The following SYNRG variants were observed in gnomAD, a reference collection of about 807,000 sequenced individuals.
The protein encoded by SYNRG is AP1 gamma subunit binding protein 1.
SYNRG carries 37 observed loss-of-function variants against 130.9 expected under a neutral mutation model. The observed-to-expected ratio is 0.28, with a 90% CI of 0.22 to 0.37. SYNRG has a LOEUF of 0.37. Among genes scored for constraint, SYNRG ranks in the 10% least tolerant of loss-of-function variants. The pLI is 1.00. For synonymous variants in SYNRG, 539 were observed against 568.1 expected, an observed-to-expected ratio of 0.95 and a Z score of 0.73; for missense variants, 1,338 against 1,588.9, an observed-to-expected ratio of 0.84 and a Z score of 2.68.
At chr17:37,578,763 G>A (rs535853792) in intron 6 of SYNRG, among the ~76,000 whole-genome samples, 2 of 152,218 alleles carry the variant, frequency 1.3e-5, no homozygotes, top group African/African-American at 4.8e-5. Context: ...CTGCCCCCAA[G>A]TGCCCTGTCA....
rs2057817754 is a variant in SYNRG, at chr17:37,542,154, G to A, written c.3020C>T (p.Pro1007Leu). Reference sequence around the variant, plus strand: ...TTCTTGAGAGGCACCACTGGACGCTGGGCTGGGACACGTGGCCTCCTGGCT... The same window carrying A: ...TTCTTGAGAGGCACCACTGGACGCTAGGCTGGGACACGTGGCCTCCTGGCT... ...ERSQEATCPSPASSGASQETP... is the reference protein window; with the variant it reads ...ERSQEATCPSLASSGASQETP... The change falls in exon 15 of 22, where the codon CCA becomes CTA. Residue 1007 changes from proline (P) to leucine (L), a missense_variant. Physicochemically the swap from Pro to Leu is moderately conservative, Grantham distance 98. Around this residue, in one of 3 missense-constraint regions of SYNRG, gnomAD observed 1,146 missense variants for 1,342.3 expected, o/e 0.85. Transcript: ENST00000612223. The A allele has an allele frequency of 6.2e-7, 1 of 1,614,216 alleles. No homozygotes were observed. Among genetic ancestry groups the A allele is most frequent in the Admixed American group, 1.7e-5 (1 of 60,028 alleles).
intron 10 of SYNRG, among the ~76,000 whole-genome samples, chr17:37,569,633 C>A (rs1411235632): frequency 5.3e-5 from 6 of 113,156 alleles, no homozygotes; most frequent in Admixed American, 4.0e-4. Context: ...CCAGCCTGGG[C>A]AACACAGCAA....
intron 14 of SYNRG, among the ~76,000 whole-genome samples, chr17:37,545,645 G>A (rs2058216490): frequency 6.6e-6 from 1 of 152,078 alleles, no homozygotes; most frequent in Admixed American, 6.6e-5. Context: ...TCTTATTTTT[G>A]TTAAAAATGA....
At chr17:37,522,963 C>T (rs956454063) in intron 19 of SYNRG, among the ~76,000 whole-genome samples, 1 of 152,082 alleles carries the variant, frequency 6.6e-6, no homozygotes, top group Non-Finnish European at 1.5e-5. Context: ...TTAATCTGCA[C>T]TAATAACATT....
intron 14 of SYNRG, among the ~76,000 whole-genome samples, chr17:37,547,811 GA>G (rs2058404097): frequency 6.6e-6 from 1 of 152,216 alleles, no homozygotes; most frequent in South Asian, 2.1e-4. Flanking sequence ...GTGAACAACA[GA>G]GTGACTATAG....
intron 15 of SYNRG, 37 bp from the exon 16 acceptor site, chr17:37,540,580 T>C: frequency 6.2e-7 from 1 of 1,601,058 alleles, no homozygotes; most frequent in Non-Finnish European, 8.5e-7. Context: ...AGGTTTTGGC[T>C]ACTCACCTTA....
intron 15 of SYNRG, chr17:37,540,805 T>C (rs746592835): frequency 1.5e-4 from 116 of 796,624 alleles, no homozygotes; most frequent in Middle Eastern, 4.7e-4. Flanking sequence ...TGGCTAATTT[T>C]TGTATTTTTA....
At chr17:37,555,165 C>T (rs2059018031) in intron 13 of SYNRG, among the ~76,000 whole-genome samples, 1 of 151,710 alleles carries the variant, frequency 6.6e-6, no homozygotes, top group African/African-American at 2.4e-5. Context: ...TCATTATTGT[C>T]GCCCAGGCTG....
In SYNRG at chr17:37,520,626, A is replaced by C. The variant is rs1278309447; in HGVS notation, c.3689T>G (p.Phe1230Cys). The C allele has an allele frequency of 1.2e-6, 2 of 1,614,070 alleles. No homozygotes were observed. The highest frequency in any genetic ancestry group is 1.7e-6 in the Non-Finnish European group (2 of 1,180,046). Residue 1230 changes from phenylalanine to cysteine, a missense_variant, in exon 20 of 22, where the codon TTT (phenylalanine) becomes TGT (cysteine). Physicochemically the swap from Phe to Cys is radical, Grantham distance 205. Around this residue, in one of 3 missense-constraint regions of SYNRG, gnomAD observed 1,146 missense variants for 1,342.3 expected, o/e 0.85. Coordinates refer to ENST00000612223, the MANE Select transcript of SYNRG (RefSeq NM_007247.6). ...CCCAGGCCGTAACATACAGGAGGAA[A>C]AATCCAGCGAGTTTTCATCTGGCTG... ...TLTPDENSLD[F>C]SSCMLRPGIK...
At chr17:37,532,086 G>A (rs1006909716) in intron 19 of SYNRG, among the ~76,000 whole-genome samples, 2 of 152,194 alleles carry the variant, frequency 1.3e-5, no homozygotes, top group African/African-American at 4.8e-5. Flanking sequence ...TCTCAGATTT[G>A]GAATTACTGA....
rs551341170 is a variant in SYNRG at position 37,537,897 on chromosome 17, G to GA, written c.3517+426dup. 1.1e-3 allele frequency among the ~76,000 whole-genome samples: 169 copies of GA among 152,322 alleles called. 6 individuals carry two copies. In the South Asian group the frequency reaches 0.034, roughly 31 times the overall value. On this transcript the variant is annotated intron_variant, in intron 18 of 21. Transcript: ENST00000612223. ...GAAGGGAGGAACACCGAAGTGGACA[G>GA]AGACTACACTTTCCCGTTGGACTGA...
chr17:37,593,102 T>C (rs116625842), intron 3 of SYNRG, among the ~76,000 whole-genome samples: 1,869 of 152,156 alleles, frequency 0.012, 36 homozygotes, highest in African/African-American at 0.042. Context: ...TAATCAATAA[T>C]AATATAATAA....
chr17:37,565,842 A>C (rs1288171781), intron 11 of SYNRG, among the ~76,000 whole-genome samples: 2 of 134,194 alleles, frequency 1.5e-5, no homozygotes, highest in Non-Finnish European at 3.2e-5. Context: ...GAGCCTCTCC[A>C]CCCGGCAGCC....
chr17:37,587,752 T>C (rs1221001021), intron 3 of SYNRG, among the ~76,000 whole-genome samples: 1 of 152,208 alleles, frequency 6.6e-6, no homozygotes, highest in Non-Finnish European at 1.5e-5. Context: ...TGTGTGGTCT[T>C]CCAGGTCTTT....
chr17:37,595,393 G>A (rs764500419), intron 3 of SYNRG, among the ~76,000 whole-genome samples: 1 of 152,010 alleles, frequency 6.6e-6, no homozygotes, highest in Non-Finnish European at 1.5e-5. Flanking sequence ...GTAAACTAAC[G>A]CAGAAACAAA....
chr17:37,592,369 C>A (rs2062271046), intron 3 of SYNRG, among the ~76,000 whole-genome samples: 1 of 152,160 alleles, frequency 6.6e-6, no homozygotes, highest in South Asian at 2.1e-4. Flanking sequence ...TACAGCTACT[C>A]TGGAAAAAAG....
chr17:37,547,325 T>TA (rs1442706542), intron 14 of SYNRG, among the ~76,000 whole-genome samples: 1 of 152,228 alleles, frequency 6.6e-6, no homozygotes, highest in Non-Finnish European at 1.5e-5. Context: ...TGGTCATCAG[T>TA]AAAAATCTCA....
chr17:37,553,569 T>C lies in SYNRG; in HGVS notation c.2154A>G (p.Glu718=). 6.2e-7 allele frequency: 1 copy of C among 1,614,202 alleles called. No individual in the cohort carries two copies. Among genetic ancestry groups the C allele is most frequent in the Non-Finnish European group, 8.5e-7 (1 of 1,180,044 alleles). The change falls in exon 14 of 22, where the codon GAA becomes GAG. Residue 718 remains glutamate (E), a synonymous_variant. Coordinates refer to ENST00000612223, the MANE Select transcript of SYNRG (RefSeq NM_007247.6). ...PDDKYDALKE[E]ASPVPLTSNV... is the part of the protein sequence containing the mutation. ...TGCTGGTTAGAGGAACAGGACTGGC[T>C]TCCTCTTTAAGGGCATCATATTTGT...
chr17:37,520,755 T>C (rs902895736), intron 19 of SYNRG, 107 bp from the exon 20 acceptor site: 3 of 810,398 alleles, frequency 3.7e-6, no homozygotes, highest in Admixed American at 2.1e-5. Context: ...AGTACAGTAC[T>C]CTAACACCAC....
Sources: gnomAD v4.1 joint callset for allele counts (sites outside exome capture counted in the v4.1 genomes callset) on GRCh38, gnomAD v4.1.1 for gene constraint, gnomAD v4.1.1 regional missense constraint, MANE v1.5 for transcripts, NCBI Gene and HGNC (gene_info 2026-07-23, HGNC 2026-07-21) for gene names.